GARIN1B: variants seen among roughly 807,000 people sequenced by gnomAD.
GARIN1B encodes the protein Golgi-associated RAB2 interactor protein 1B.
At chr7:128,714,339 G>T in the GARIN1B span, among the ~76,000 whole-genome samples, 1 of 152,156 alleles carries the variant, frequency 6.6e-6, no homozygotes, top group African/African-American at 2.4e-5. Context: ...CACTTTGGGA[G>T]GTCGAGGTGG....
At chr7:128,714,331 C>T in the GARIN1B span, among the ~76,000 whole-genome samples, 1 of 152,034 alleles carries the variant, frequency 6.6e-6, no homozygotes, top group African/African-American at 2.4e-5. Context: ...AATCCCAGCA[C>T]TTTGGGAGGT....
chr7:128,710,622 T>C, the GARIN1B span, among the ~76,000 whole-genome samples: 1 of 152,220 alleles, frequency 6.6e-6, no homozygotes, highest in Non-Finnish European at 1.5e-5. Flanking sequence ...GCTCTACTTC[T>C]TATGGCTTCT....
At chr7:128,724,332 C>A in the GARIN1B span, among the ~76,000 whole-genome samples, 1,133 of 152,270 alleles carry the variant, frequency 7.4e-3, 11 homozygotes, top group African/African-American at 0.026. Context: ...AATTTCTAAT[C>A]CAGTTTCTAG....
At chr7:128,716,906 A>C in the GARIN1B span, 1 of 1,613,938 alleles carries the variant, frequency 6.2e-7, no homozygotes, top group Non-Finnish European at 8.5e-7. Flanking sequence ...GCCCCTCCCC[A>C]ACATCCTACT....
the GARIN1B span, among the ~76,000 whole-genome samples, chr7:128,719,907 C>G: frequency 1.3e-5 from 2 of 151,832 alleles, no homozygotes; most frequent in Admixed American, 1.3e-4. Context: ...ACCATGTTAG[C>G]CAGGCTGGTC....
the GARIN1B span, among the ~76,000 whole-genome samples, chr7:128,709,745 TCTC>T: frequency 1.4e-4 from 3 of 21,294 alleles, no homozygotes; most frequent in African/African-American, 3.5e-4. Flanking sequence ...TCTCTCTCTC[TCTC>T]TCTTTTTTTT....
At chr7:128,710,213 C>A in the GARIN1B span, among the ~76,000 whole-genome samples, 11 of 152,314 alleles carry the variant, frequency 7.2e-5, no homozygotes, top group African/African-American at 2.6e-4. Context: ...CCACACCCAG[C>A]CCTGCTAGAC....
At chr7:128,712,638 T>A in the GARIN1B span, among the ~76,000 whole-genome samples, 1 of 152,222 alleles carries the variant, frequency 6.6e-6, no homozygotes, top group Non-Finnish European at 1.5e-5. Context: ...GGCTTTAGCC[T>A]CAAACCAAAG....
At chr7:128,725,242 G>A in the GARIN1B span, among the ~76,000 whole-genome samples, 1,847 of 152,248 alleles carry the variant, frequency 0.012, 29 homozygotes, top group African/African-American at 0.041. Flanking sequence ...GGAACTTCTC[G>A]ATGAGATGTC....
At chr7:128,726,942 A>C in the GARIN1B span, 1 of 1,404,744 alleles carries the variant, frequency 7.1e-7, no homozygotes, top group Non-Finnish European at 1.0e-6. Context: ...GATCCCCTCC[A>C]GCCCCCATCC....
At chr7:128,730,532 C>G in the GARIN1B span, among the ~76,000 whole-genome samples, 1 of 152,170 alleles carries the variant, frequency 6.6e-6, no homozygotes, top group African/African-American at 2.4e-5. Flanking sequence ...TCCACACATT[C>G]ATTTAACAAA....
chr7:128,715,647 A>T, the GARIN1B span: 1 of 1,613,958 alleles, frequency 6.2e-7, no homozygotes, highest in Non-Finnish European at 8.5e-7. Context: ...CCAGAATTCA[A>T]CCTGTTTCTT....
At chr7:128,725,796 A>G in the GARIN1B span, among the ~76,000 whole-genome samples, 1 of 151,782 alleles carries the variant, frequency 6.6e-6, no homozygotes, top group East Asian at 1.9e-4. Context: ...CATTTTGCAT[A>G]GACATGTACA....
At chr7:128,712,164 A>T in the GARIN1B span, among the ~76,000 whole-genome samples, 1 of 152,264 alleles carries the variant, frequency 6.6e-6, no homozygotes, top group East Asian at 1.9e-4. Flanking sequence ...GGACAGACTT[A>T]CCACAAAGAT....
At chr7:128,723,329 T>G in the GARIN1B span, 1 of 1,609,494 alleles carries the variant, frequency 6.2e-7, no homozygotes, top group Admixed American at 1.7e-5. Flanking sequence ...GTACATGACT[T>G]AAATCAAGCC....
chr7:128,725,185 A>G, the GARIN1B span: 1 of 164,994 alleles, frequency 6.1e-6, no homozygotes, highest in Non-Finnish European at 1.3e-5. Context: ...TAAAGAATAT[A>G]TCCTGGAGAT....
chr7:128,730,088 TC>T, the GARIN1B span: 41 of 1,603,922 alleles, frequency 2.6e-5, no homozygotes, highest in South Asian at 4.2e-4. Flanking sequence ...ATGGGAGGAA[TC>T]CCCTGCCATT....
At chr7:128,714,193 C>A in the GARIN1B span, 2 of 1,454,816 alleles carry the variant, frequency 1.4e-6, no homozygotes, top group South Asian at 1.2e-5. Flanking sequence ...CAAAAGTCAG[C>A]CTCCATGCTT....
the GARIN1B span, among the ~76,000 whole-genome samples, chr7:128,717,250 G>A: frequency 2.0e-5 from 3 of 152,056 alleles, no homozygotes; most frequent in African/African-American, 7.2e-5. Context: ...CTGCACAGAC[G>A]CCACTGAATT....
Sources: gnomAD v4.1 joint callset for allele counts (sites outside exome capture counted in the v4.1 genomes callset) on GRCh38, gnomAD v4.1.1 for gene constraint, MANE v1.5 for transcripts, NCBI Gene and HGNC (gene_info 2026-07-23, HGNC 2026-07-21) for gene names.